The following TAS2R1 variants were observed in gnomAD, a reference collection of about 807,000 sequenced individuals.
TAS2R1 encodes taste receptor type 2 member 1.
For missense variants in TAS2R1, 370 were observed against 353.4 expected, an observed-to-expected ratio of 1.05 and a Z score of -0.38; for synonymous variants, 141 against 134.2, an observed-to-expected ratio of 1.05 and a Z score of -0.35.
chr5:9,705,918 C>T (rs1005141307), intron 1 of TAS2R1, among the ~76,000 whole-genome samples: 4 of 152,108 alleles, frequency 2.6e-5, no homozygotes, highest in Admixed American at 2.6e-4. Flanking sequence ...ACCAGCAGGT[C>T]ACCTTACTGG....
intron 1 of TAS2R1, among the ~76,000 whole-genome samples, chr5:9,710,718 A>C (rs546374638): frequency 1.3e-5 from 2 of 151,956 alleles, no homozygotes; most frequent in South Asian, 4.2e-4. Context: ...TGATTAAAAA[A>C]TTTGCAATGG....
At chr5:9,702,580 T>C (rs556917046) in intron 1 of TAS2R1, among the ~76,000 whole-genome samples, 2 of 152,274 alleles carry the variant, frequency 1.3e-5, no homozygotes, top group Admixed American at 1.3e-4. Flanking sequence ...CTGGCCTAAA[T>C]TGTCAAGCAG....
chr5:9,884,871 C>A, the TAS2R1 span, among the ~76,000 whole-genome samples: 1 of 152,160 alleles, frequency 6.6e-6, no homozygotes, highest in African/African-American at 2.4e-5. Flanking sequence ...CTAAATTGTA[C>A]TTTTTGTTGT....
At chr5:9,696,756 G>A (rs539668501) in intron 1 of TAS2R1, among the ~76,000 whole-genome samples, 16 of 152,126 alleles carry the variant, frequency 1.1e-4, no homozygotes, top group Non-Finnish European at 2.2e-4. Context: ...GCTCATGACT[G>A]TAATCCCAGC....
intron 1 of TAS2R1, among the ~76,000 whole-genome samples, chr5:9,668,634 A>G (rs894656964): frequency 2.0e-5 from 3 of 152,212 alleles, no homozygotes; most frequent in African/African-American, 7.2e-5. Flanking sequence ...AATAATTTCA[A>G]CCAAGAATTT....
the TAS2R1 span, among the ~76,000 whole-genome samples, chr5:9,735,669 G>A: frequency 3.9e-5 from 6 of 152,152 alleles, no homozygotes; most frequent in Admixed American, 6.5e-5. Flanking sequence ...CTACAGTTGC[G>A]ATGTTAAGAT....
At chr5:9,798,162 G>T in the TAS2R1 span, among the ~76,000 whole-genome samples, 84 of 152,224 alleles carry the variant, frequency 5.5e-4, no homozygotes, top group African/African-American at 2.0e-3. Context: ...TAATATGAAC[G>T]ATCTTTTCTT....
rs534178551 is a variant in TAS2R1, at chr5:9,628,980, C to A, written c.*153G>T. ...TCAGTTTAACTGCTTGAAAAAGTAG[C>A]ATATCCACAGAAATACCTCAGGCTG... On this transcript the variant is annotated 3_prime_UTR_variant, in exon 1 of 1. Coordinates refer to ENST00000382492, the MANE Select transcript of TAS2R1 (RefSeq NM_019599.3). 3.5e-4 allele frequency: 250 copies of A among 708,780 alleles called. No homozygotes were observed. In the African/African-American group the frequency reaches 4.2e-3, roughly 12 times the overall value. 43.9% of individuals were successfully genotyped at this position (708,780 alleles called of 1,614,324 possible). A position where few individuals can be genotyped will look rare whatever the true frequency, so the allele number is the denominator to read the frequency against.
chr5:9,838,281 A>G, the TAS2R1 span, among the ~76,000 whole-genome samples: 18 of 152,064 alleles, frequency 1.2e-4, no homozygotes, highest in Non-Finnish European at 2.6e-4. Context: ...CCTCTAGTCC[A>G]TCCTCACCCT....
At chr5:9,806,283 T>C in the TAS2R1 span, among the ~76,000 whole-genome samples, 6 of 152,306 alleles carry the variant, frequency 3.9e-5, no homozygotes, top group East Asian at 1.9e-4. Context: ...CCTATGCTCA[T>C]TGATGTGTAG....
intron 1 of TAS2R1, among the ~76,000 whole-genome samples, chr5:9,708,916 A>C (rs749539863): frequency 1.9e-4 from 29 of 152,258 alleles, no homozygotes; most frequent in Non-Finnish European, 3.2e-4. Context: ...TTCTTACCTC[A>C]CTGTCACAAA....
the TAS2R1 span, among the ~76,000 whole-genome samples, chr5:9,856,334 C>T: frequency 6.6e-6 from 1 of 152,000 alleles, no homozygotes; most frequent in South Asian, 2.1e-4. Flanking sequence ...AATGCCCAGG[C>T]TGTATCCCAA....
the TAS2R1 span, among the ~76,000 whole-genome samples, chr5:9,873,092 G>T: frequency 6.6e-6 from 1 of 152,192 alleles, no homozygotes; most frequent in Admixed American, 6.5e-5. Context: ...AGGAAACAAA[G>T]AATTAAAGAG....
At chr5:9,812,851 T>G in the TAS2R1 span, among the ~76,000 whole-genome samples, 3 of 152,132 alleles carry the variant, frequency 2.0e-5, no homozygotes, top group East Asian at 5.8e-4. Context: ...CTCTTCAGTT[T>G]TAGTTGGTCA....
At chr5:9,708,509 C>T (rs1741668604) in intron 1 of TAS2R1, among the ~76,000 whole-genome samples, 2 of 152,156 alleles carry the variant, frequency 1.3e-5, no homozygotes. Context: ...CACAGTCTGA[C>T]TTTTGCATAC....
chr5:9,829,824 G>T, the TAS2R1 span, among the ~76,000 whole-genome samples: 1 of 151,994 alleles, frequency 6.6e-6, no homozygotes, highest in Non-Finnish European at 1.5e-5. Flanking sequence ...TAAAACCACA[G>T]GCAGTGTACC....
intron 1 of TAS2R1, among the ~76,000 whole-genome samples, chr5:9,697,723 G>C (rs1469448560): frequency 2.0e-5 from 3 of 152,068 alleles, no homozygotes; most frequent in Non-Finnish European, 4.4e-5. Flanking sequence ...TATTTTAAAA[G>C]TGCAATAACA....
At chr5:9,825,790 T>C in the TAS2R1 span, among the ~76,000 whole-genome samples, 1 of 152,242 alleles carries the variant, frequency 6.6e-6, no homozygotes, top group Non-Finnish European at 1.5e-5. Context: ...TTGTTATAAG[T>C]TTAGCCAATG....
At chr5:9,878,181 G>C in the TAS2R1 span, among the ~76,000 whole-genome samples, 2 of 152,120 alleles carry the variant, frequency 1.3e-5, no homozygotes, top group Non-Finnish European at 2.9e-5. Flanking sequence ...ATACTATTCA[G>C]CAGAGAATAA....
Sources: allele counts gnomAD v4.1 joint callset (sites outside exome capture counted in the v4.1 genomes callset), GRCh38; gene constraint gnomAD v4.1.1; transcripts MANE v1.5; gene names NCBI Gene and HGNC (gene_info 2026-07-23, HGNC 2026-07-21).